Variants in TMEM196 observed in about 807,000 individuals in gnomAD.
TMEM196 encodes transmembrane protein 196.
TMEM196 carries 17 observed loss-of-function variants against 20.0 expected under a neutral mutation model. The observed-to-expected ratio is 0.85, with a 90% confidence interval of 0.58 to 1.27. The LOEUF is 1.27. Ranked by LOEUF, TMEM196 falls within the 50% of genes most tolerant of loss-of-function variation. The pLI, the probability that TMEM196 is intolerant of heterozygous loss-of-function variation, is 0.00. For missense variants in TMEM196, 267 were observed against 223.0 expected, an observed-to-expected ratio of 1.20 and a Z score of -1.26; for synonymous variants, 113 against 88.9, an observed-to-expected ratio of 1.27 and a Z score of -1.52.
At chr7:19,733,742 T>C (rs372890434) in intron 1 of TMEM196, among the ~76,000 whole-genome samples, 34 of 151,906 alleles carry the variant, frequency 2.2e-4, no homozygotes, top group African/African-American at 7.2e-4. Context: ...TAGAGGACAT[T>C]GACCATTGGA....
intron 1 of TMEM196, among the ~76,000 whole-genome samples, chr7:19,748,880 C>T (rs1041641799): frequency 6.6e-6 from 1 of 151,986 alleles, no homozygotes; most frequent in Non-Finnish European, 1.5e-5. Flanking sequence ...TCCTTAAAAT[C>T]ATGTTTTCTT....
chr7:19,732,300 C>T (rs1784231068), intron 1 of TMEM196, among the ~76,000 whole-genome samples: 1 of 152,130 alleles, frequency 6.6e-6, no homozygotes, highest in African/African-American at 2.4e-5. Context: ...ATGGGCTGGG[C>T]ATGGTGGCTC....
intron 1 of TMEM196, among the ~76,000 whole-genome samples, chr7:19,729,854 C>T (rs1393913448): frequency 6.6e-6 from 1 of 152,176 alleles, no homozygotes; most frequent in Non-Finnish European, 1.5e-5. Flanking sequence ...GATAATGCAT[C>T]AGACAAGGAG....
intron 1 of TMEM196, among the ~76,000 whole-genome samples, chr7:19,730,172 C>T (rs368478861): frequency 2.4e-4 from 37 of 151,532 alleles, no homozygotes; most frequent in African/African-American, 7.8e-4. Context: ...AGGAGAATGG[C>T]GTGAACCTGG....
chr7:19,754,265 T>C (rs565522950), intron 1 of TMEM196, among the ~76,000 whole-genome samples: 3 of 152,342 alleles, frequency 2.0e-5, no homozygotes, highest in Admixed American at 1.3e-4. Context: ...ATTCAAGTGC[T>C]CGCTATCTAT....
chr7:19,766,464 G>A (rs1412533157), intron 1 of TMEM196, among the ~76,000 whole-genome samples: 2 of 151,606 alleles, frequency 1.3e-5, no homozygotes, highest in Admixed American at 6.6e-5. Context: ...GCTGGACCTA[G>A]TTATTTAGGT....
intron 1 of TMEM196, among the ~76,000 whole-genome samples, chr7:19,758,783 A>G (rs1481314660): frequency 1.3e-5 from 2 of 152,170 alleles, no homozygotes; most frequent in Non-Finnish European, 2.9e-5. Flanking sequence ...TACACAAAAA[A>G]GCAGAAGCTG....
chr7:19,749,945 A>T (rs1437356964), intron 1 of TMEM196, among the ~76,000 whole-genome samples: 2 of 152,210 alleles, frequency 1.3e-5, no homozygotes, highest in Admixed American at 6.5e-5. Flanking sequence ...TTTAGGATCA[A>T]TGTCTTCCAT....
intron 1 of TMEM196, among the ~76,000 whole-genome samples, chr7:19,731,977 A>T (rs895714831): frequency 6.6e-6 from 1 of 152,184 alleles, no homozygotes; most frequent in African/African-American, 2.4e-5. Flanking sequence ...ATATGAAATC[A>T]TGGGATTTAT....
chr7:19,732,599 A>C (rs892116321), intron 1 of TMEM196, among the ~76,000 whole-genome samples: 3 of 146,822 alleles, frequency 2.0e-5, no homozygotes, highest in Middle Eastern at 3.5e-3. Flanking sequence ...AAAAAAAAAA[A>C]CGGAATGGAA....
In TMEM196 at chr7:19,720,801, C is replaced by T. The variant is rs1377002691; in HGVS notation, c.*1327G>A. 6.6e-6 allele frequency: 1 copy of T among 151,812 alleles called. No individual in the cohort carries two copies. Among genetic ancestry groups the T allele is most frequent in the Non-Finnish European group, 1.5e-5 (1 of 67,778 alleles). 9.4% of individuals were successfully genotyped at this position (151,812 alleles called of 1,614,324 possible). ...TATATATGGACTGCCTATATTATTT[C>T]ATGAGAATCGTAAAACAAAACACCT... On this transcript the variant is annotated 3_prime_UTR_variant, in exon 5 of 5. Transcript: ENST00000405844.
In TMEM196 at chr7:19,755,758, G is replaced by A. The variant is rs528403457; in HGVS notation, c.147+16792C>T. ...CAAAACAAAATGTGAGGCCAGGCGT[G>A]GTGGCTTATGCCTATATTCCAGCAC... On this transcript the variant is annotated intron_variant, in intron 1 of 4. Coordinates refer to ENST00000405844, the MANE Select transcript of TMEM196 (RefSeq NM_001363562.2). Among the ~76,000 whole-genome samples, 3 of 152,258 alleles carry A rather than the reference G, an allele frequency of 2.0e-5. No homozygotes were observed. In the East Asian group the frequency reaches 5.8e-4, roughly 29 times the overall value.
intron 1 of TMEM196, among the ~76,000 whole-genome samples, chr7:19,745,947 T>C (rs562689438): frequency 6.6e-6 from 1 of 152,198 alleles, no homozygotes; most frequent in African/African-American, 2.4e-5. Context: ...CTATATTTTA[T>C]TTATTTTAAA....
chr7:19,745,684 C>T (rs966635706), intron 1 of TMEM196, among the ~76,000 whole-genome samples: 6 of 148,504 alleles, frequency 4.0e-5, no homozygotes, highest in Non-Finnish European at 7.4e-5. Context: ...AATCTTCTTC[C>T]TGGTGCATAA....
At chr7:19,727,466 T>G (rs1192087427) in intron 2 of TMEM196, among the ~76,000 whole-genome samples, 1 of 152,170 alleles carries the variant, frequency 6.6e-6, no homozygotes, top group Non-Finnish European at 1.5e-5. Context: ...AATGAACGGG[T>G]AAAATCTTTT....
At chr7:19,731,072 T>C (rs1784185407) in intron 1 of TMEM196, among the ~76,000 whole-genome samples, 1 of 152,164 alleles carries the variant, frequency 6.6e-6, no homozygotes, top group Non-Finnish European at 1.5e-5. Context: ...TTTCTAAATG[T>C]AGCACCAAAG....
At chr7:19,739,841 T>A (rs1452482518) in intron 1 of TMEM196, among the ~76,000 whole-genome samples, 1 of 152,188 alleles carries the variant, frequency 6.6e-6, no homozygotes, top group African/African-American at 2.4e-5. Flanking sequence ...TGCTGTTCTT[T>A]ACTGTTCGAT....
chr7:19,720,761 G>T lies in TMEM196; in HGVS notation c.*1367C>A, dbSNP rs539517509. On this transcript the variant is annotated 3_prime_UTR_variant, in exon 5 of 5. Coordinates refer to ENST00000405844, the MANE Select transcript of TMEM196 (RefSeq NM_001363562.2). The stretch of plus-strand genomic sequence containing the variant: ...CTCAAAGAATTCTTTCAGGATCTTT[G>T]GATATAGGCTTTCTTATATATGGAC... The T allele has an allele frequency of 1.3e-5, 2 of 151,854 alleles. No individual in the cohort carries two copies. The highest frequency in any genetic ancestry group is 4.8e-5 in the African/African-American group (2 of 41,500). The allele number at this position is 151,854 out of a possible 1,614,324, so 9.4% of individuals were successfully genotyped here. A position where few individuals can be genotyped will look rare whatever the true frequency, so the allele number is the denominator to read the frequency against.
intron 2 of TMEM196, among the ~76,000 whole-genome samples, chr7:19,728,069 T>C (rs975902516): frequency 1.3e-5 from 2 of 152,162 alleles, no homozygotes; most frequent in African/African-American, 4.8e-5. Context: ...TCAGATTTCA[T>C]CATTTTTTTC....
Sources: allele counts gnomAD v4.1 joint callset (sites outside exome capture counted in the v4.1 genomes callset), GRCh38; gene constraint gnomAD v4.1.1; transcripts MANE v1.5; gene names NCBI Gene and HGNC (gene_info 2026-07-23, HGNC 2026-07-21).